Variants in PRKDC observed in about 807,000 individuals in gnomAD.
The protein encoded by PRKDC is protein kinase, DNA-activated, catalytic subunit, also known as DNA-dependent protein kinase catalytic subunit.
A neutral mutation model predicts 486.9 loss-of-function variants in PRKDC; 82 were observed. That is an observed-to-expected ratio of 0.17 (90% CI 0.14 to 0.20). The LOEUF (loss-of-function observed/expected upper bound fraction) is 0.20. Among genes scored for constraint, PRKDC ranks in the 10% least tolerant of loss-of-function variants. PRKDC has a pLI of 1.00. For missense variants in PRKDC, 4,504 were observed against 5,038.2 expected (o/e 0.89, Z 3.21); for synonymous variants, 1,895 against 1,837.0 (o/e 1.03, Z -0.81).
chr8:47,924,416 T>C lies in PRKDC; in HGVS notation c.2419+2778A>G, dbSNP rs569853929. ...CTCTACTAAAAATACAAAAATTAGCTGGGCGTGGTGGTGCATGCCTGTAGT... is the reference window on the plus strand; with the variant it reads ...CTCTACTAAAAATACAAAAATTAGCCGGGCGTGGTGGTGCATGCCTGTAGT... On this transcript the variant is annotated intron_variant, in intron 21 of 85. Transcript: ENST00000314191. 3.3e-4 allele frequency among the ~76,000 whole-genome samples: 50 copies of C among 152,058 alleles called. 1 individual carries two copies. In the South Asian group the frequency reaches 9.8e-3, roughly 30 times the overall value.
chr8:47,808,279 T>A (rs1433217913), intron 68 of PRKDC, among the ~76,000 whole-genome samples: 2 of 151,134 alleles, frequency 1.3e-5, no homozygotes, highest in Non-Finnish European at 2.9e-5. Context: ...ATAGCCGGGG[T>A]TGGTTACAGG....
intron 68 of PRKDC, among the ~76,000 whole-genome samples, chr8:47,809,839 G>A (rs1354422445): frequency 6.6e-6 from 1 of 152,120 alleles, no homozygotes; most frequent in African/African-American, 2.4e-5. Flanking sequence ...TCTGCTATTG[G>A]GATGAGCTTC....
intron 25 of PRKDC, among the ~76,000 whole-genome samples, chr8:47,908,745 A>G (rs558622783): frequency 6.6e-6 from 1 of 152,362 alleles, no homozygotes; most frequent in African/African-American, 2.4e-5. Context: ...ATCTTTGAAC[A>G]TTTTAATATT....
intron 85 of PRKDC, 131 bp downstream of exon 85, chr8:47,776,710 TTCC>T: frequency 8.0e-7 from 1 of 1,250,172 alleles, no homozygotes; most frequent in South Asian, 1.4e-5. Context: ...AAGCCCTGCT[TTCC>T]TCCTCAATGA....
chr8:47,783,440 CAG>C (rs2086733613), intron 78 of PRKDC, among the ~76,000 whole-genome samples: 1 of 151,730 alleles, frequency 6.6e-6, no homozygotes, highest in Non-Finnish European at 1.5e-5. Context: ...ATTCAAAAAA[CAG>C]AGCTGGGCGT....
rs148937125 is a variant in PRKDC, at chr8:47,814,515, T to C, written c.9557+2935A>G. ...TTAGCAAAGATACAAAGTTAATATA[T>C]AAAAAGCAATTACATTAGCAGCAAA... On this transcript the variant is annotated intron_variant, in intron 68 of 85. Coordinates refer to ENST00000314191, the MANE Select transcript of PRKDC (RefSeq NM_006904.7). Among the ~76,000 whole-genome samples, 892 of 152,168 alleles carry C rather than the reference T, an allele frequency of 5.9e-3. 8 individuals are homozygous for C. Among genetic ancestry groups the C allele is most frequent in the Non-Finnish European group, 8.9e-3 (603 of 67,986 alleles).
At position 47,893,204 on chromosome 8, in the gene PRKDC, A is replaced by G. The variant is rs2089500624; in HGVS notation, c.3782T>C (p.Leu1261Pro). The change falls in exon 31 of 86, where the codon CTG becomes CCG. Residue 1261 changes from leucine (L) to proline (P), a missense_variant. By Grantham distance (98) the Leu-to-Pro change is moderately conservative. Transcript: ENST00000314191. ...QATLCWLDLL[L>P]AALECYNTFI... Reference sequence around the variant, plus strand: ...CGTGTTGTAGCACTCCAACGCGGCCAGGAGCAGGTCCAGCCAGCATAGCGT... The same window carrying G: ...CGTGTTGTAGCACTCCAACGCGGCCGGGAGCAGGTCCAGCCAGCATAGCGT... 6.2e-7 allele frequency: 1 copy of G among 1,613,240 alleles called. No individual in the cohort carries two copies. The highest frequency in any genetic ancestry group is 2.2e-5 in the East Asian group (1 of 44,850).
At chr8:47,777,028 AT>A (rs1372125413) in intron 84 of PRKDC, 45 bp from the exon 85 acceptor site, 1 of 1,580,500 alleles carries the variant, frequency 6.3e-7, no homozygotes, top group African/African-American at 1.4e-5. Flanking sequence ...ATAATGGTAT[AT>A]ACAATCATGC....
At chr8:47,957,797 AG>A (rs772960332) in intron 1 of PRKDC, among the ~76,000 whole-genome samples, 3 of 152,174 alleles carry the variant, frequency 2.0e-5, no homozygotes, top group Non-Finnish European at 4.4e-5. Context: ...TACAGGCGTG[AG>A]CCACCGCGCC....
intron 7 of PRKDC, 27 bp from the exon 8 acceptor site, chr8:47,944,056 C>T: frequency 6.5e-7 from 1 of 1,528,804 alleles, no homozygotes. Context: ...AAGCCTGTTA[C>T]AAATCGTAAT....
At chr8:47,959,895 G>GCTT in intron 1 of PRKDC, 78 bp downstream of exon 1, 1 of 1,502,648 alleles carries the variant, frequency 6.7e-7, no homozygotes, top group South Asian at 1.2e-5. Flanking sequence ...TAAACACAGA[G>GCTT]AAGCGCCGGG....
intron 48 of PRKDC, among the ~76,000 whole-genome samples, chr8:47,857,964 C>G (rs1451745230): frequency 6.6e-6 from 1 of 152,194 alleles, no homozygotes; most frequent in East Asian, 1.9e-4. Flanking sequence ...CACACTCCCA[C>G]AGCCCAGGCA....
intron 45 of PRKDC, 86 bp from the exon 46 acceptor site, chr8:47,859,845 T>C: frequency 7.6e-7 from 1 of 1,313,818 alleles, no homozygotes; most frequent in South Asian, 1.4e-5. Context: ...GATATGAAAA[T>C]TAAAGCACAT....
At position 47,783,517 on chromosome 8, in the gene PRKDC, G is replaced by A. The variant is rs553235467; in HGVS notation, c.11175+225C>T. The stretch of plus-strand genomic sequence containing the variant: ...AGGCAGGAGAATCGTTTGAACCCGG[G>A]AGGCAGAGGTTGCAGTGAGCCGAGA... On this transcript the variant is annotated intron_variant, in intron 78 of 85. Transcript: ENST00000314191. Among the ~76,000 whole-genome samples the A allele has an allele frequency of 6.0e-4, 92 of 152,132 alleles. No individual in the cohort carries two copies. In the Middle Eastern group the frequency reaches 0.01, roughly 17 times the overall value.
chr8:47,944,075 C>G (rs1226731261), intron 7 of PRKDC, 46 bp from the exon 8 acceptor site: 2 of 1,437,218 alleles, frequency 1.4e-6, no homozygotes, highest in Non-Finnish European at 1.9e-6. Flanking sequence ...ATAACAGTAT[C>G]ACATAACACA....
intron 11 of PRKDC, among the ~76,000 whole-genome samples, chr8:47,938,343 G>A (rs1282820478): frequency 2.0e-5 from 3 of 151,438 alleles, no homozygotes. Flanking sequence ...CCCGGGAGGT[G>A]GAGGTTGTGG....
rs781762829 is a variant in PRKDC, at chr8:47,807,117, G to A, written c.9747+20C>T. ...GCAAAATCCTGTGACACAGCAGGGA[G>A]GACAGACACGAGTACCCACCTGCTT... On this transcript the variant is annotated intron_variant, in intron 69 of 85. Transcript: ENST00000314191. 3.7e-6 allele frequency: 6 copies of A among 1,607,214 alleles called. No individual in the cohort carries two copies. The East Asian group carries it at 9.0e-5, about 24-fold the overall frequency.
intron 76 of PRKDC, 104 bp from the exon 77 acceptor site, chr8:47,785,421 T>C: frequency 1.1e-6 from 1 of 916,752 alleles, no homozygotes; most frequent in Non-Finnish European, 1.7e-6. Context: ...ATGGTATATG[T>C]TTCTTCTCTG....
intron 68 of PRKDC, among the ~76,000 whole-genome samples, chr8:47,809,876 T>G (rs1022342064): frequency 4.6e-5 from 7 of 152,152 alleles, no homozygotes; most frequent in African/African-American, 1.7e-4. Context: ...TTACTCTCTT[T>G]TGCCCCTGTG....
Sources: allele counts gnomAD v4.1 joint callset (sites outside exome capture counted in the v4.1 genomes callset), GRCh38; gene constraint gnomAD v4.1.1; transcripts MANE v1.5; gene names NCBI Gene and HGNC (gene_info 2026-07-23, HGNC 2026-07-21).